The following PCID2 variants were observed in gnomAD, a reference collection of about 807,000 sequenced individuals.
PCID2 encodes PCI domain containing 2, also known as PCI domain-containing protein 2.
PCID2 carries 41 observed loss-of-function variants against 61.3 expected under a neutral mutation model. The observed-to-expected ratio is 0.67, with a 90% CI of 0.52 to 0.87. The LOEUF (loss-of-function observed/expected upper bound fraction) is 0.87. Ranked by LOEUF, PCID2 falls within the 40% of genes least tolerant of loss-of-function variation. PCID2 has a pLI of 0.00. For synonymous variants in PCID2, 187 were observed against 177.8 expected, an observed-to-expected ratio of 1.05 and a Z score of -0.41; for missense variants, 392 against 493.4, an observed-to-expected ratio of 0.79 and a Z score of 1.95.
At chr13:113,170,860 C>G in the PCID2 span, among the ~76,000 whole-genome samples, 26,006 of 151,612 alleles carry the variant, frequency 0.17, 2,931 homozygotes, top group South Asian at 0.43. Flanking sequence ...GGGCTCGAAT[C>G]CCCCAGCAGT....
At chr13:113,190,209 T>A (rs2038490244) in intron 7 of PCID2, among the ~76,000 whole-genome samples, 2 of 143,782 alleles carry the variant, frequency 1.4e-5, no homozygotes, top group African/African-American at 2.6e-5. Flanking sequence ...GGAAGCCCAA[T>A]GAACCCTAAA....
At position 113,184,084 on chromosome 13, in the gene PCID2, G is replaced by A. The variant is rs544698165; in HGVS notation, c.685+262C>T. On this transcript the variant is annotated intron_variant, in intron 9 of 13. Transcript: ENST00000337344. ...AACAATGATTTACATTCTATTCTGA[G>A]AACAGTCATGCTCAGTGAACTCAGA... The A allele has an allele frequency of 3.4e-6, 3 of 891,656 alleles. No homozygotes were observed. The Admixed American group carries it at 1.9e-4, about 55-fold the overall frequency. The allele number at this position is 891,656 out of a possible 1,614,324, so 55.2% of individuals were successfully genotyped here.
chr13:113,181,364 T>C, intron 9 of PCID2, 134 bp from the exon 10 acceptor site: 1 of 587,432 alleles, frequency 1.7e-6, no homozygotes, highest in Non-Finnish European at 3.0e-6. Context: ...AAAAATATCA[T>C]CCCAGTTTCA....
chr13:113,201,787 G>C (rs2039451250), intron 1 of PCID2, among the ~76,000 whole-genome samples: 1 of 136,710 alleles, frequency 7.3e-6, no homozygotes, highest in Non-Finnish European at 1.5e-5. Context: ...CTGCACTCCA[G>C]CCTGGGCGAC....
chr13:113,188,463 G>A (rs1016971208), intron 7 of PCID2: 4 of 152,230 alleles, frequency 2.6e-5, no homozygotes, highest in Admixed American at 2.6e-4. Flanking sequence ...AAGACCAGCA[G>A]GATGCTAAGT....
intron 1 of PCID2, among the ~76,000 whole-genome samples, chr13:113,204,641 C>T (rs1454784171): frequency 2.0e-5 from 3 of 152,172 alleles, no homozygotes; most frequent in Non-Finnish European, 4.4e-5. Context: ...GGCCTTGAGC[C>T]CAAGGAGGGC....
the PCID2 span, among the ~76,000 whole-genome samples, chr13:113,167,747 T>C: frequency 6.6e-6 from 1 of 152,260 alleles, no homozygotes; most frequent in Non-Finnish European, 1.5e-5. Context: ...GAAAAACCTC[T>C]GCCTTTTAAT....
At chr13:113,169,691 G>A in the PCID2 span, among the ~76,000 whole-genome samples, 17 of 152,194 alleles carry the variant, frequency 1.1e-4, no homozygotes, top group African/African-American at 1.9e-4. Flanking sequence ...ATCCTGCCCC[G>A]TGCCCCACTG....
At position 113,208,646 on chromosome 13, in the gene PCID2, CG is replaced by C. The variant is rs1443015008; in HGVS notation, c.-13del. The C allele has an allele frequency of 6.2e-7, 1 of 1,605,198 alleles. No homozygotes were observed. Reference sequence around the variant, plus strand: ...GTAATGTGCGCCATGGGAGCGCCGCCGAACGGAGAGCGCCACCCCCTACGCC... The same window carrying C: ...GTAATGTGCGCCATGGGAGCGCCGCCAACGGAGAGCGCCACCCCCTACGCC... On this transcript the variant is annotated 5_prime_UTR_variant, in exon 1 of 14. Transcript: ENST00000337344.
chr13:113,201,564 C>T (rs2039429638), intron 1 of PCID2, among the ~76,000 whole-genome samples: 1 of 152,088 alleles, frequency 6.6e-6, no homozygotes, highest in Non-Finnish European at 1.5e-5. Context: ...GTAATCCCAG[C>T]ACTTTGGGAG....
At chr13:113,207,538 T>G (rs776476207) in intron 1 of PCID2, among the ~76,000 whole-genome samples, 2 of 152,212 alleles carry the variant, frequency 1.3e-5, no homozygotes, top group Non-Finnish European at 2.9e-5. Context: ...GTATAGAACT[T>G]GAGGTAAGTG....
chr13:113,186,852 A>C (rs2038160298), intron 7 of PCID2: 2 of 152,212 alleles, frequency 1.3e-5, no homozygotes, highest in African/African-American at 4.8e-5. Context: ...AAATCACTCA[A>C]AGTCAAGGCA....
chr13:113,184,121 T>C (rs1439733426), intron 9 of PCID2: 1 of 628,828 alleles, frequency 1.6e-6, no homozygotes, highest in African/African-American at 2.0e-5. Flanking sequence ...ACGATGTCTG[T>C]AATGCCTGTG....
the PCID2 span, chr13:113,165,117 G>A: frequency 1.2e-6 from 2 of 1,611,196 alleles, no homozygotes; most frequent in African/African-American, 1.3e-5. Context: ...ACCTCCCGTG[G>A]CAGGTAACAG....
the PCID2 span, chr13:113,171,852 G>A: frequency 3.0e-5 from 48 of 1,613,518 alleles, no homozygotes; most frequent in Middle Eastern, 3.3e-4. This position sits in a 1 kb window ranked among gnomAD's most constrained non-coding sequence, Gnocchi z 5.1. Context: ...CTGACCACGC[G>A]GCCTGTCACA....
rs1445300618 is a variant in PCID2, at chr13:113,206,837, T to C, written c.36+1762A>G. On this transcript the variant is annotated intron_variant, in intron 1 of 13. Coordinates refer to ENST00000337344, the MANE Select transcript of PCID2 (RefSeq NM_001127202.4). ...GTAGGCATGCACATCTCCATAGAAG[T>C]CCATCCTGGGCCCAGCCCCTGTCTA... Among the ~76,000 whole-genome samples the C allele has an allele frequency of 2.6e-5, 4 of 152,218 alleles. No individual in the cohort carries two copies. The South Asian group carries it at 6.2e-4, about 24-fold the overall frequency.
chr13:113,200,042 G>A (rs539419327), intron 2 of PCID2, among the ~76,000 whole-genome samples: 17 of 152,324 alleles, frequency 1.1e-4, no homozygotes, highest in African/African-American at 4.1e-4. Context: ...TACAACCCCA[G>A]GCTGGGCCTT....
Position 113,178,106 on chromosome 13 carries a change from G to T in PCID2, c.*92C>A. Reference sequence around the variant, plus strand: ...AGCGCCTCCAAGAGTTCCGGCTTCAGGGAGCCTTGTTGCAGTACCGGACCG... The same window carrying T: ...AGCGCCTCCAAGAGTTCCGGCTTCATGGAGCCTTGTTGCAGTACCGGACCG... On this transcript the variant is annotated 3_prime_UTR_variant, in exon 14 of 14. Coordinates refer to ENST00000337344, the MANE Select transcript of PCID2 (RefSeq NM_001127202.4). The T allele has an allele frequency of 1.2e-6, 1 of 831,582 alleles. No homozygotes were observed. Among genetic ancestry groups the T allele is most frequent in the Non-Finnish European group, 1.9e-6 (1 of 520,654 alleles). 51.5% of individuals were successfully genotyped at this position (831,582 alleles called of 1,614,324 possible).
intron 9 of PCID2, among the ~76,000 whole-genome samples, chr13:113,181,591 T>C (rs1325693921): frequency 6.6e-6 from 1 of 152,168 alleles, no homozygotes; most frequent in Non-Finnish European, 1.5e-5. Flanking sequence ...TAAAGACATA[T>C]TTAAAAATGT....
Sources: gnomAD v4.1 joint callset for allele counts (sites outside exome capture counted in the v4.1 genomes callset) on GRCh38, gnomAD v4.1.1 for gene constraint, Gnocchi (gnomAD v3.1) non-coding constraint, MANE v1.5 for transcripts, NCBI Gene and HGNC (gene_info 2026-07-23, HGNC 2026-07-21) for gene names.